Variants in ULK4 observed in about 807,000 individuals in gnomAD.
ULK4 encodes inactive serine/threonine-protein kinase ULK4.
ULK4 carries 133 observed loss-of-function variants against 160.6 expected under a neutral mutation model. That is an observed-to-expected ratio of 0.83 (90% CI 0.72 to 0.96). The LOEUF (loss-of-function observed/expected upper bound fraction) is 0.96. ULK4 is among the 40% of genes least tolerant of loss of function. ULK4 has a pLI of 0.00. For synonymous variants in ULK4, 534 were observed against 539.8 expected (o/e 0.99, Z 0.15); for missense variants, 1,580 against 1,499.5 (o/e 1.05, Z -0.89).
At chr3:41,285,731 C>T (rs2079444744) in intron 35 of ULK4, among the ~76,000 whole-genome samples, 2 of 152,138 alleles carry the variant, frequency 1.3e-5, no homozygotes, top group South Asian at 4.1e-4. Context: ...CCCCAATAAC[C>T]TATGGAAAAA....
intron 32 of ULK4, among the ~76,000 whole-genome samples, chr3:41,526,343 T>A (rs567580493): frequency 2.3e-4 from 35 of 152,260 alleles, no homozygotes; most frequent in African/African-American, 8.2e-4. Flanking sequence ...GCCAGAGGTA[T>A]GCATAGAATG....
chr3:41,696,928 A>G (rs1299411095), intron 27 of ULK4, among the ~76,000 whole-genome samples: 2 of 152,188 alleles, frequency 1.3e-5, no homozygotes, highest in Non-Finnish European at 2.9e-5. Context: ...CCACAAGCCT[A>G]AGAATCCAGG....
At chr3:41,637,899 A>G (rs988778630) in intron 30 of ULK4, among the ~76,000 whole-genome samples, 3 of 152,088 alleles carry the variant, frequency 2.0e-5, no homozygotes, top group African/African-American at 7.2e-5. Flanking sequence ...GTTTCCTACT[A>G]TTGAGTTGTT....
At chr3:41,403,604 T>C (rs1307773808) in intron 34 of ULK4, among the ~76,000 whole-genome samples, 2 of 152,138 alleles carry the variant, frequency 1.3e-5, no homozygotes, top group African/African-American at 4.8e-5. Flanking sequence ...TCTGGTTTGA[T>C]CTTTATAATT....
At chr3:41,805,764 C>A (rs1256306656) in intron 19 of ULK4, among the ~76,000 whole-genome samples, 2 of 128,844 alleles carry the variant, frequency 1.6e-5, no homozygotes, top group African/African-American at 2.8e-5. Context: ...GTCTTTGGTT[C>A]TGTTTATATG....
At chr3:41,841,125 G>A (rs578161490) in intron 17 of ULK4, among the ~76,000 whole-genome samples, 115 of 127,490 alleles carry the variant, frequency 9.0e-4, no homozygotes, top group Non-Finnish European at 1.3e-3. Context: ...GGTGAGGAGC[G>A]CCTCTGCTCG....
chr3:41,301,805 C>T (rs926288648), intron 35 of ULK4, among the ~76,000 whole-genome samples: 1 of 152,268 alleles, frequency 6.6e-6, no homozygotes, highest in East Asian at 1.9e-4. Flanking sequence ...TGAGTCATTA[C>T]TCTTGGGAAG....
chr3:41,666,546 T>C (rs1171887530), intron 29 of ULK4, among the ~76,000 whole-genome samples: 3 of 152,194 alleles, frequency 2.0e-5, no homozygotes, highest in Non-Finnish European at 4.4e-5. Flanking sequence ...GGAAATTGTC[T>C]GGCCAGACAG....
intron 32 of ULK4, among the ~76,000 whole-genome samples, chr3:41,482,457 G>A (rs1199729052): frequency 6.6e-6 from 1 of 151,868 alleles, no homozygotes; most frequent in Non-Finnish European, 1.5e-5. Flanking sequence ...TTGGGGCAAG[G>A]GGCTTCAGGT....
intron 27 of ULK4, among the ~76,000 whole-genome samples, chr3:41,697,692 G>A (rs978699446): frequency 6.6e-6 from 1 of 152,010 alleles, no homozygotes; most frequent in African/African-American, 2.4e-5. Context: ...ATGTTGCCCA[G>A]GTTGGTCTTT....
At chr3:41,859,571 G>A in intron 17 of ULK4, 1 of 534,862 alleles carries the variant, frequency 1.9e-6, no homozygotes, top group Non-Finnish European at 3.8e-6. Context: ...ACAGCGAAAG[G>A]CACCATGAGG....
chr3:41,943,135 C>G (rs1307981401), intron 2 of ULK4, among the ~76,000 whole-genome samples: 1 of 151,624 alleles, frequency 6.6e-6, no homozygotes, highest in Non-Finnish European at 1.5e-5. Flanking sequence ...ATGGCGTGAA[C>G]CCGGCAGGCG....
rs751770144 is a variant in ULK4, at chr3:41,715,205, A to C, written c.2634+32T>G. 1.0e-5 allele frequency: 16 copies of C among 1,601,552 alleles called. No homozygotes were observed. The South Asian group carries it at 1.7e-4, about 17-fold the overall frequency. ...AAACAGTAGAGGAAGTCACAATTTT[A>C]TTAGAAACAAGGAAAATTTCGTGTT... On this transcript the variant is annotated intron_variant, in intron 25 of 36. Transcript: ENST00000301831.
intron 32 of ULK4, among the ~76,000 whole-genome samples, chr3:41,506,866 C>T (rs2055185): frequency 0.92 from 128,534 of 139,516 alleles, 59,580 homozygotes; most frequent in Middle Eastern, 0.96. Context: ...GTCTTTTCAC[C>T]GGACACATGC....
chr3:41,885,500 C>T (rs1168331258), intron 16 of ULK4, among the ~76,000 whole-genome samples: 1 of 152,088 alleles, frequency 6.6e-6, no homozygotes, highest in Admixed American at 6.6e-5. Flanking sequence ...CCCAGTGACT[C>T]GACACTGTAC....
chr3:41,771,167 C>T (rs2039352055), intron 21 of ULK4, among the ~76,000 whole-genome samples: 1 of 152,180 alleles, frequency 6.6e-6, no homozygotes, highest in African/African-American at 2.4e-5. Flanking sequence ...AAATCATATT[C>T]TATCTTTGTC....
chr3:41,783,492 T>C (rs1240921825), intron 21 of ULK4, among the ~76,000 whole-genome samples: 4 of 150,882 alleles, frequency 2.7e-5, no homozygotes, highest in South Asian at 4.2e-4. Context: ...GCCGAGATCA[T>C]GCCACTACGC....
At chr3:41,841,379 C>T (rs1040912784) in intron 17 of ULK4, among the ~76,000 whole-genome samples, 2 of 150,620 alleles carry the variant, frequency 1.3e-5, no homozygotes, top group African/African-American at 2.4e-5. Flanking sequence ...CGCCTCTGCC[C>T]GGCTGCCCTT....
Position 41,715,490 on chromosome 3 carries a change from C to T in ULK4, c.2534G>A (p.Cys845Tyr), listed in dbSNP as rs780796812. Residue 845 changes from cysteine to tyrosine, a missense_variant, in exon 24 of 37, where the codon TGT (cysteine) becomes TAT (tyrosine). Cys to Tyr is a radical substitution (Grantham distance 194, BLOSUM62 -2). Transcript: ENST00000301831. ...AAGCACTACAGGCATCAGGGGGAGA[C>T]ACAACTTCAGCTGTTTCACTTGAAC... ...STVQVKQLKL[C>Y]LPLMPVVLHL... is the part of the protein sequence containing the mutation. 6.2e-7 allele frequency: 1 copy of T among 1,614,120 alleles called. No homozygotes were observed. The highest frequency in any genetic ancestry group is 1.7e-5 in the Admixed American group (1 of 60,016).
Sources: gnomAD v4.1 joint callset for allele counts (sites outside exome capture counted in the v4.1 genomes callset) on GRCh38, gnomAD v4.1.1 for gene constraint, MANE v1.5 for transcripts, NCBI Gene and HGNC (gene_info 2026-07-23, HGNC 2026-07-21) for gene names.